PSD3: variants seen among roughly 807,000 people sequenced by gnomAD.
PSD3 encodes pleckstrin and Sec7 domain containing 3, also known as PH and SEC7 domain-containing protein 3.
Under a neutral mutation model 105.5 loss-of-function variants are expected in PSD3, and 49 were observed. That is an observed-to-expected ratio of 0.46 (90% CI 0.37 to 0.59). The LOEUF (loss-of-function observed/expected upper bound fraction) is 0.59. Ranked by LOEUF, PSD3 falls within the 20% of genes least tolerant of loss-of-function variation. The pLI is 0.00. For missense variants in PSD3, 1,561 were observed against 1,263.8 expected (o/e 1.24, Z -3.57); for synonymous variants, 557 against 457.8 (o/e 1.22, Z -2.77).
At chr8:19,082,219 T>C (rs1829666724) in intron 1 of PSD3, among the ~76,000 whole-genome samples, 1 of 152,170 alleles carries the variant, frequency 6.6e-6, no homozygotes, top group Non-Finnish European at 1.5e-5. Context: ...GTACGGCACC[T>C]ACAGGATCTA....
intron 10 of PSD3, among the ~76,000 whole-genome samples, chr8:18,646,553 C>T (rs560754291): frequency 6.6e-6 from 1 of 151,910 alleles, no homozygotes; most frequent in Non-Finnish European, 1.5e-5. Context: ...TTCTTCATGG[C>T]TGATTCTAAT....
chr8:18,857,490 T>C (rs987120078), intron 4 of PSD3, among the ~76,000 whole-genome samples: 2 of 152,302 alleles, frequency 1.3e-5, no homozygotes, highest in South Asian at 4.2e-4. Flanking sequence ...TTTAAAGCTA[T>C]CCATGTCCAG....
At chr8:18,727,076 G>T (rs961618526) in intron 9 of PSD3, among the ~76,000 whole-genome samples, 2 of 151,894 alleles carry the variant, frequency 1.3e-5, no homozygotes, top group African/African-American at 2.4e-5. Context: ...AGTGGCTCAC[G>T]CCTGTAATCC....
At chr8:18,710,258 T>C (rs992321470) in intron 9 of PSD3, among the ~76,000 whole-genome samples, 1 of 152,022 alleles carries the variant, frequency 6.6e-6, no homozygotes, top group African/African-American at 2.4e-5. Context: ...GTGAAGACTA[T>C]GTTGCTGAAG....
chr8:18,627,246 G>A (rs1341654667), intron 11 of PSD3, among the ~76,000 whole-genome samples: 2 of 151,984 alleles, frequency 1.3e-5, no homozygotes, highest in Admixed American at 6.6e-5. Flanking sequence ...AGTTGAGGAG[G>A]TAAGAAAGGA....
intron 9 of PSD3, among the ~76,000 whole-genome samples, chr8:18,658,651 T>C (rs1407583151): frequency 6.6e-6 from 1 of 152,112 alleles, no homozygotes; most frequent in African/African-American, 2.4e-5. Flanking sequence ...GCCTTCTAAG[T>C]AGCTGTGGTT....
intron 6 of PSD3, among the ~76,000 whole-genome samples, chr8:18,803,633 G>A (rs766928645): frequency 2.0e-5 from 3 of 152,072 alleles, no homozygotes; most frequent in Admixed American, 2.0e-4. Context: ...TCTGATATAT[G>A]CTACAAGAAT....
At chr8:19,003,158 A>G (rs1826489638) in intron 1 of PSD3, among the ~76,000 whole-genome samples, 1 of 152,034 alleles carries the variant, frequency 6.6e-6, no homozygotes, top group Non-Finnish European at 1.5e-5. Flanking sequence ...ATCCAATTCA[A>G]GGGCACACTC....
At chr8:18,585,595 G>A (rs1173614262) in intron 12 of PSD3, among the ~76,000 whole-genome samples, 1 of 152,078 alleles carries the variant, frequency 6.6e-6, no homozygotes, top group Admixed American at 6.5e-5. Context: ...TGGGATTACA[G>A]GTGTGAGCCA....
At chr8:18,892,049 C>T (rs542483617) in intron 2 of PSD3, among the ~76,000 whole-genome samples, 2 of 152,264 alleles carry the variant, frequency 1.3e-5, no homozygotes, top group East Asian at 1.9e-4. Context: ...TGGCAGCCCA[C>T]ATGTGAACAT....
chr8:19,043,068 G>C (rs1586660414), intron 1 of PSD3, among the ~76,000 whole-genome samples: 2 of 152,104 alleles, frequency 1.3e-5, no homozygotes, highest in East Asian at 3.9e-4. Flanking sequence ...AGAAAGAAGA[G>C]GCTTATAAAA....
chr8:18,734,859 A>C (rs1285953880), intron 9 of PSD3, among the ~76,000 whole-genome samples: 1 of 152,210 alleles, frequency 6.6e-6, no homozygotes, highest in Non-Finnish European at 1.5e-5. Context: ...CCAAAATCAA[A>C]AGCTTCCAGA....
intron 9 of PSD3, among the ~76,000 whole-genome samples, chr8:18,742,747 T>C (rs542099553): frequency 1.3e-5 from 2 of 152,202 alleles, no homozygotes; most frequent in Non-Finnish European, 2.9e-5. Context: ...TCAGGAATTA[T>C]TTATTACTGG....
At chr8:19,055,892 T>C (rs1828694184) in intron 1 of PSD3, among the ~76,000 whole-genome samples, 2 of 152,214 alleles carry the variant, frequency 1.3e-5, no homozygotes, top group Admixed American at 1.3e-4. Flanking sequence ...AATTCAACAC[T>C]CAGCCTTGCT....
chr8:18,773,550 G>A (rs1321953408), intron 8 of PSD3, among the ~76,000 whole-genome samples: 4 of 152,056 alleles, frequency 2.6e-5, no homozygotes, highest in Non-Finnish European at 5.9e-5. Flanking sequence ...TGTTGAATCT[G>A]TAGATTACTT....
chr8:18,958,156 A>G (rs984491464), intron 1 of PSD3, among the ~76,000 whole-genome samples: 10 of 152,222 alleles, frequency 6.6e-5, no homozygotes, highest in African/African-American at 2.4e-4. Flanking sequence ...TAAGGTAGAT[A>G]TTAAAAAAGA....
intron 8 of PSD3, among the ~76,000 whole-genome samples, chr8:18,795,789 T>C (rs10094591): frequency 0.71 from 107,489 of 152,080 alleles, 39,585 homozygotes; most frequent in Non-Finnish European, 0.81. Context: ...AGGGAGTAAG[T>C]ATAAACTTAT....
At chr8:19,068,908 C>G (rs1050520768) in intron 1 of PSD3, among the ~76,000 whole-genome samples, 2 of 152,022 alleles carry the variant, frequency 1.3e-5, no homozygotes, top group South Asian at 4.1e-4. Context: ...AAGGGGTGGC[C>G]TGGAAAGGTG....
Position 18,676,347 on chromosome 8 carries a change from CACA to C in PSD3, c.2173-20665_2173-20663del, listed in dbSNP as rs567484982. On this transcript the variant is annotated intron_variant, in intron 9 of 15. Coordinates refer to ENST00000327040, the MANE Select transcript of PSD3 (RefSeq NM_015310.4). ...GTACGACCTTGGGAGTTAGAGATGA[CACA>C]ACAGGAGTGGGACGCGGCTTCTCCT... Among the ~76,000 whole-genome samples the C allele has an allele frequency of 5.5e-3, 833 of 152,282 alleles. 4 individuals are homozygous for C. The highest frequency in any genetic ancestry group is 9.2e-3 in the Non-Finnish European group (626 of 68,020).
Sources: allele counts gnomAD v4.1 joint callset (sites outside exome capture counted in the v4.1 genomes callset), GRCh38; gene constraint gnomAD v4.1.1; transcripts MANE v1.5; gene names NCBI Gene and HGNC (gene_info 2026-07-23, HGNC 2026-07-21).